Variants in CHAF1A observed in about 807,000 individuals in gnomAD.
CHAF1A encodes the protein chromatin assembly factor 1 subunit A, also known as CAF-1 subunit A.
Under a neutral mutation model 93.2 loss-of-function variants are expected in CHAF1A, and 5 were observed. The ratio of observed to expected loss-of-function variants is 0.05; its 90% CI spans 0.03 to 0.11. The LOEUF is 0.11. CHAF1A is among the 10% of genes least tolerant of loss of function. The probability of loss-of-function intolerance (pLI) is 1.00; values close to 1 mark genes in which losing one functional copy is unlikely to be tolerated. For missense variants in CHAF1A, 1,102 were observed against 1,259.9 expected, an observed-to-expected ratio of 0.87 and a Z score of 1.90; for synonymous variants, 504 against 510.3, an observed-to-expected ratio of 0.99 and a Z score of 0.17.
At chr19:4,437,705 CT>C (rs1174412066) in intron 13 of CHAF1A, among the ~76,000 whole-genome samples, 1 of 151,478 alleles carries the variant, frequency 6.6e-6, no homozygotes, top group Non-Finnish European at 1.5e-5. Flanking sequence ...CTCGGTTACA[CT>C]TTTTTTCCCA....
chr19:4,408,799 A>C (rs1303948061), intron 2 of CHAF1A, 104 bp from the exon 3 acceptor site: 3 of 1,428,094 alleles, frequency 2.1e-6, no homozygotes, highest in Non-Finnish European at 2.8e-6. Context: ...TAAACTTTAA[A>C]ATTATCTCCC....
intron 13 of CHAF1A, among the ~76,000 whole-genome samples, chr19:4,437,780 C>T (rs2145145984): frequency 6.6e-6 from 1 of 151,028 alleles, no homozygotes; most frequent in African/African-American, 2.4e-5. Context: ...CGCTCTGTCG[C>T]CCAGGCTGGA....
chr19:4,443,914 C>A (rs529062842), downstream of CHAF1A, among the ~76,000 whole-genome samples: 24 of 152,322 alleles, frequency 1.6e-4, no homozygotes, highest in Non-Finnish European at 3.2e-4. Flanking sequence ...CTCTTCCCAG[C>A]CACACCCCAC....
intron 3 of CHAF1A, among the ~76,000 whole-genome samples, chr19:4,414,268 G>GT: frequency 6.6e-6 from 1 of 152,122 alleles, no homozygotes; most frequent in Non-Finnish European, 1.5e-5. Context: ...GGGCATGGGG[G>GT]TGCACACCTG....
At chr19:4,449,822 A>T (rs1974617958), downstream of CHAF1A, 1 of 152,028 alleles carries the variant, frequency 6.6e-6, no homozygotes, top group Non-Finnish European at 1.5e-5. Flanking sequence ...CTGAGCCAAG[A>T]TCTAAAAAAA....
chr19:4,429,336 C>T, intron 8 of CHAF1A, 102 bp from the exon 9 acceptor site: 1 of 1,350,856 alleles, frequency 7.4e-7, no homozygotes, highest in East Asian at 2.3e-5. Context: ...AAATGCCCAT[C>T]TTTCTAGAAT....
chr19:4,440,587 A>C (rs760378241), intron 13 of CHAF1A, among the ~76,000 whole-genome samples: 2 of 152,020 alleles, frequency 1.3e-5, no homozygotes, highest in African/African-American at 4.8e-5. Context: ...ATAATAATTC[A>C]CAAGTCACAG....
intron 6 of CHAF1A, among the ~76,000 whole-genome samples, 195 bp downstream of exon 6, chr19:4,423,590 C>T (rs1470994202): frequency 6.6e-6 from 1 of 152,222 alleles, no homozygotes; most frequent in African/African-American, 2.4e-5. Context: ...TGCCTACTGG[C>T]CCTGCAATCC....
intron 7 of CHAF1A, among the ~76,000 whole-genome samples, chr19:4,424,685 A>C (rs945482289): frequency 2.0e-4 from 30 of 152,110 alleles, no homozygotes; most frequent in African/African-American, 6.8e-4. Context: ...CCCAGGCTGC[A>C]GTACAGTGGT....
chr19:4,440,648 C>T (rs1296474944), intron 13 of CHAF1A, among the ~76,000 whole-genome samples: 3 of 152,016 alleles, frequency 2.0e-5, no homozygotes, highest in Non-Finnish European at 4.4e-5. Context: ...CAGGCAATTT[C>T]ATGGTTGGGT....
chr19:4,403,889 T>C (rs1555746691), intron 1 of CHAF1A, among the ~76,000 whole-genome samples: 1 of 152,248 alleles, frequency 6.6e-6, no homozygotes, highest in Non-Finnish European at 1.5e-5. Flanking sequence ...TGAGTCTTGC[T>C]CTGTTGCCCA....
chr19:4,441,733 G>C (rs770917050), intron 13 of CHAF1A, among the ~76,000 whole-genome samples: 4 of 151,826 alleles, frequency 2.6e-5, no homozygotes, highest in Admixed American at 2.6e-4. Flanking sequence ...ATGAAACCCC[G>C]TCTCTACTAA....
intron 1 of CHAF1A, among the ~76,000 whole-genome samples, chr19:4,405,391 C>T (rs1407019123): frequency 1.3e-5 from 2 of 152,134 alleles, no homozygotes; most frequent in Admixed American, 6.5e-5. Context: ...GGGTGGATCA[C>T]GAGGTCAGGA....
chr19:4,419,579 G>A (rs768721404), intron 4 of CHAF1A, among the ~76,000 whole-genome samples: 5 of 151,980 alleles, frequency 3.3e-5, no homozygotes, highest in Non-Finnish European at 5.9e-5. Context: ...ATAGGCACGA[G>A]CCACCACGCC....
Position 4,443,003 on chromosome 19 carries a change from C to T in CHAF1A, c.2849C>T (p.Ala950Val), listed in dbSNP as rs761958638. 8 of 1,595,752 alleles carry T rather than the reference C, an allele frequency of 5.0e-6. No individual in the cohort carries two copies. Among genetic ancestry groups the T allele is most frequent in the Non-Finnish European group, 6.0e-6 (7 of 1,171,392 alleles). The change falls in exon 15 of 15, where the codon GCG (alanine) becomes GTG (valine). Residue 950 changes from alanine (A) to valine (V), a missense_variant. Physicochemically the swap from Ala to Val is moderately conservative, Grantham distance 64. Around this residue, in one of 6 missense-constraint regions of CHAF1A, gnomAD observed 119 missense variants for 102.2 expected, o/e 1.16. Coordinates refer to ENST00000301280, the MANE Select transcript of CHAF1A (RefSeq NM_005483.3). ...GVDTGKATLT[A>V]SPLGAS is the part of the protein sequence containing the mutation. ...GACACCGGCAAGGCCACCCTGACCGCGAGCCCACTGGGTGCATCCTGAGAG... is the reference window on the plus strand; with the variant it reads ...GACACCGGCAAGGCCACCCTGACCGTGAGCCCACTGGGTGCATCCTGAGAG...
downstream of CHAF1A, chr19:4,446,072 G>T: frequency 6.2e-7 from 1 of 1,612,594 alleles, no homozygotes. Context: ...TTCAAGGCCA[G>T]GTTCTCGTCC....
At chr19:4,446,183 G>A (rs201076191), downstream of CHAF1A, 627 of 1,605,994 alleles carry the variant, frequency 3.9e-4, 1 homozygote, top group African/African-American at 6.4e-3. Flanking sequence ...AGCCGCTCCC[G>A]AGCGTAGAAA....
rs1046845458 is a variant in CHAF1A, at chr19:4,433,564, G to T, written c.2673+25G>T. On this transcript the variant is annotated intron_variant, in intron 13 of 14. Transcript: ENST00000301280. The surrounding 1 kb of genome is among the most constrained non-coding windows in gnomAD (Gnocchi z 5.6). ...GGTGAGGTGGGGTGGGCAGGTGGGG[G>T]CCTCTGCAGGGCTTTTCTTTTTTTG... 1.3e-6 allele frequency: 2 copies of T among 1,502,086 alleles called. No homozygotes were observed. The highest frequency in any genetic ancestry group is 2.1e-5 in the Admixed American group (1 of 47,598). 93.0% of individuals were successfully genotyped at this position (1,502,086 alleles called of 1,614,324 possible).
In CHAF1A at chr19:4,406,422, G is replaced by A. The variant is rs72988728; in HGVS notation, c.103+460G>A. 3.0e-3 allele frequency among the ~76,000 whole-genome samples: 448 copies of A among 150,316 alleles called. 2 individuals carry two copies. The highest frequency in any genetic ancestry group is 5.2e-3 in the Non-Finnish European group (350 of 67,814). ...TGTTCACCCTTGGGCCAGATGAGCG[G>A]TTGGATTGTAATTTTTTTTTTTTTT... On this transcript the variant is annotated intron_variant, in intron 2 of 14. Coordinates refer to ENST00000301280, the MANE Select transcript of CHAF1A (RefSeq NM_005483.3).
Sources: allele counts gnomAD v4.1 joint callset (sites outside exome capture counted in the v4.1 genomes callset), GRCh38; gene constraint gnomAD v4.1.1; regional missense constraint gnomAD v4.1.1; non-coding constraint Gnocchi (gnomAD v3.1); transcripts MANE v1.5; gene names NCBI Gene and HGNC (gene_info 2026-07-23, HGNC 2026-07-21).